The following ITGA8 variants were observed in gnomAD, a reference collection of about 807,000 sequenced individuals.
ITGA8 encodes the protein integrin subunit alpha 8.
ITGA8 carries 91 observed loss-of-function variants against 142.3 expected under a neutral mutation model. The ratio of observed to expected loss-of-function variants is 0.64; its 90% CI spans 0.54 to 0.76. ITGA8 has a LOEUF of 0.76. ITGA8 is among the 30% of genes least tolerant of loss of function. The pLI, the probability that ITGA8 is intolerant of heterozygous loss-of-function variation, is 0.00. For missense variants in ITGA8, 1,406 were observed against 1,327.7 expected (o/e 1.06, Z -0.92); for synonymous variants, 505 against 485.2 (o/e 1.04, Z -0.54).
intron 2 of ITGA8, among the ~76,000 whole-genome samples, chr10:15,697,276 A>G (rs1365764869): frequency 6.6e-6 from 1 of 152,216 alleles, no homozygotes; most frequent in East Asian, 1.9e-4. Flanking sequence ...TTTTAAAAGT[A>G]CAGAGAAATA....
In ITGA8 at chr10:15,687,981, T is replaced by C. The variant is rs1368360515; in HGVS notation, c.401A>G (p.Gln134Arg). Reference sequence around the variant, plus strand: ...AGCTTTCACTGTTGCTCCAAACCACTGATTGGATTTGAACTCGATAGGTTC... The same window carrying C: ...AGCTTTCACTGTTGCTCCAAACCACCGATTGGATTTGAACTCGATAGGTTC... ...TKEPIEFKSN[Q>R]WFGATVKAHK... The change falls in exon 3 of 30, where the codon CAG becomes CGG. Residue 134 changes from glutamine to arginine, a missense_variant. Physicochemically the swap from Gln to Arg is conservative, Grantham distance 43. Transcript: ENST00000378076. The C allele has an allele frequency of 6.2e-7, 1 of 1,613,796 alleles. No homozygotes were observed. The highest frequency in any genetic ancestry group is 1.1e-5 in the South Asian group (1 of 91,072).
chr10:15,671,650 G>GT lies in ITGA8; in HGVS notation c.803-4dup. The GT allele has an allele frequency of 6.2e-7, 1 of 1,611,126 alleles. No individual in the cohort carries two copies. The highest frequency in any genetic ancestry group is 8.5e-7 in the Non-Finnish European group (1 of 1,177,636). ...CTCCCCAGCAGCAACTGAGTATCCTGTTTTAAAGAAAAAGAAACAAACTAA... is the reference window on the plus strand; with the variant it reads ...CTCCCCAGCAGCAACTGAGTATCCTGTTTTTAAAGAAAAAGAAACAAACTAA... On this transcript the variant is annotated splice_region_variant and splice_polypyrimidine_tract_variant and intron_variant, in intron 7 of 29. Coordinates refer to ENST00000378076, the MANE Select transcript of ITGA8 (RefSeq NM_003638.3).
chr10:15,648,453 T>C (rs1205339738), intron 11 of ITGA8, among the ~76,000 whole-genome samples: 2 of 150,004 alleles, frequency 1.3e-5, no homozygotes, highest in Non-Finnish European at 3.0e-5. Context: ...GTATGAAATA[T>C]ATAAATTGAG....
chr10:15,664,788 T>C (rs1186001228), intron 8 of ITGA8, among the ~76,000 whole-genome samples: 2 of 151,908 alleles, frequency 1.3e-5, no homozygotes, highest in African/African-American at 4.8e-5. Flanking sequence ...GTCCTTGTGA[T>C]AGTTTGCTGA....
At chr10:15,521,769 C>T (rs959000456) in intron 28 of ITGA8, among the ~76,000 whole-genome samples, 2 of 152,212 alleles carry the variant, frequency 1.3e-5, no homozygotes, top group African/African-American at 2.4e-5. Context: ...GTAGTTCATA[C>T]GTCGAAGAAA....
At position 15,616,565 on chromosome 10, in the gene ITGA8, A is replaced by G. The variant is rs1833395421; in HGVS notation, c.1400-6T>C. On this transcript the variant is annotated splice_polypyrimidine_tract_variant and splice_region_variant and intron_variant, in intron 13 of 29. Transcript: ENST00000378076. ...AAATGCACCCACAATCAAATCTTAAAAAGACAAAAACACAGAACACATGCG... is the reference window on the plus strand; with the variant it reads ...AAATGCACCCACAATCAAATCTTAAGAAGACAAAAACACAGAACACATGCG... 6.2e-7 allele frequency: 1 copy of G among 1,611,274 alleles called. No homozygotes were observed. Among genetic ancestry groups the G allele is most frequent in the Non-Finnish European group, 8.5e-7 (1 of 1,178,694 alleles).
intron 21 of ITGA8, chr10:15,597,000 G>T (rs1037230939): frequency 3.6e-6 from 2 of 556,404 alleles, no homozygotes; most frequent in Non-Finnish European, 3.2e-6. Flanking sequence ...AAGCATAGAA[G>T]AGCATGCATC....
intron 26 of ITGA8, among the ~76,000 whole-genome samples, chr10:15,557,082 T>C (rs548414964): frequency 1.7e-4 from 26 of 151,992 alleles, no homozygotes; most frequent in Non-Finnish European, 3.7e-4. Flanking sequence ...GAGAATAGAA[T>C]CAAAAATGCT....
At chr10:15,523,852 A>C (rs1340472730) in intron 28 of ITGA8, among the ~76,000 whole-genome samples, 1 of 151,984 alleles carries the variant, frequency 6.6e-6, no homozygotes, top group East Asian at 1.9e-4. Context: ...GAATCACCTG[A>C]ACCTGGGAGG....
chr10:15,676,291 A>C (rs1834629348), intron 6 of ITGA8, among the ~76,000 whole-genome samples: 1 of 152,198 alleles, frequency 6.6e-6, no homozygotes. Flanking sequence ...TGGCCTATGC[A>C]GCACCTTAGC....
At chr10:15,535,169 C>T (rs1209648043) in intron 27 of ITGA8, among the ~76,000 whole-genome samples, 1 of 152,180 alleles carries the variant, frequency 6.6e-6, no homozygotes, top group Non-Finnish European at 1.5e-5. Flanking sequence ...AGCTGCCTCC[C>T]CCAGGGGCAG....
intron 28 of ITGA8, 65 bp downstream of exon 28, chr10:15,530,985 G>T: frequency 2.1e-6 from 2 of 957,704 alleles, no homozygotes; most frequent in Non-Finnish European, 3.2e-6. Flanking sequence ...GCACAAGCTA[G>T]ACAGTGATTA....
intron 2 of ITGA8, among the ~76,000 whole-genome samples, chr10:15,708,747 T>A (rs1835307775): frequency 1.3e-5 from 2 of 152,200 alleles, no homozygotes; most frequent in South Asian, 4.1e-4. Flanking sequence ...AGGCATGGTT[T>A]GGCCTACAAA....
At chr10:15,521,770 G>A (rs897179788) in intron 28 of ITGA8, among the ~76,000 whole-genome samples, 6 of 152,222 alleles carry the variant, frequency 3.9e-5, no homozygotes, top group South Asian at 2.1e-4. Context: ...TAGTTCATAC[G>A]TCGAAGAAAT....
At chr10:15,595,875 G>A (rs1203273270) in intron 21 of ITGA8, among the ~76,000 whole-genome samples, 1 of 152,048 alleles carries the variant, frequency 6.6e-6, no homozygotes, top group Non-Finnish European at 1.5e-5. Flanking sequence ...AGACCAGCCT[G>A]GCCCCCGTCT....
chr10:15,620,778 A>T (rs1227897574), intron 13 of ITGA8, among the ~76,000 whole-genome samples: 1 of 152,256 alleles, frequency 6.6e-6, no homozygotes, highest in Non-Finnish European at 1.5e-5. Flanking sequence ...CGCTGCTTCC[A>T]TCTATACACA....
intron 7 of ITGA8, among the ~76,000 whole-genome samples, chr10:15,672,109 G>A (rs539490448): frequency 6.6e-5 from 10 of 152,244 alleles, no homozygotes; most frequent in African/African-American, 2.4e-4. Flanking sequence ...CCACAATTTA[G>A]TTTAGCTCTA....
chr10:15,612,711 G>T (rs569391568), intron 15 of ITGA8, among the ~76,000 whole-genome samples: 1 of 152,120 alleles, frequency 6.6e-6, no homozygotes, highest in South Asian at 2.1e-4. Flanking sequence ...TAATTCAATC[G>T]CTATTCTTAA....
At position 15,514,079 on chromosome 10, in the gene ITGA8, T is replaced by A. The variant is rs1466650693; in HGVS notation, c.*3079A>T. On this transcript the variant is annotated 3_prime_UTR_variant, in exon 30 of 30. Coordinates refer to ENST00000378076, the MANE Select transcript of ITGA8 (RefSeq NM_003638.3). ...AGAATGCAGTTTCAGGGGTGACTAG[T>A]ACATATTATTTTTTTATTTACTGTA... 5 of 152,118 alleles carry A rather than the reference T, an allele frequency of 3.3e-5. No individual in the cohort carries two copies. Among genetic ancestry groups the A allele is most frequent in the Non-Finnish European group, 7.3e-5 (5 of 68,044 alleles). The allele number at this position is 152,118 out of a possible 1,614,324, so 9.4% of individuals were successfully genotyped here.
Sources: gnomAD v4.1 joint callset for allele counts (sites outside exome capture counted in the v4.1 genomes callset) on GRCh38, gnomAD v4.1.1 for gene constraint, MANE v1.5 for transcripts, NCBI Gene and HGNC (gene_info 2026-07-23, HGNC 2026-07-21) for gene names.